Variants in ZNF208 observed in about 807,000 individuals in gnomAD.
The protein encoded by ZNF208 is zinc finger protein 95.
Under a neutral mutation model 12.1 loss-of-function variants are expected in ZNF208, and 10 were observed. The observed-to-expected ratio is 0.83, with a 90% confidence interval of 0.51 to 1.40. The LOEUF (loss-of-function observed/expected upper bound fraction) is 1.40. Ranked by LOEUF, ZNF208 falls within the 40% of genes most tolerant of loss-of-function variation. The probability of loss-of-function intolerance (pLI) is 0.00; values close to 1 mark genes in which losing one functional copy is unlikely to be tolerated. For synonymous variants in ZNF208, 497 were observed against 488.4 expected, an observed-to-expected ratio of 1.02 and a Z score of -0.23; for missense variants, 1,652 against 1,485.0, an observed-to-expected ratio of 1.11 and a Z score of -1.85.
chr19:21,957,451 G>T (rs1023658477), intron 4 of ZNF208, among the ~76,000 whole-genome samples: 1 of 152,206 alleles, frequency 6.6e-6, no homozygotes, highest in Non-Finnish European at 1.5e-5. Flanking sequence ...AAGTTGCAAA[G>T]CCAGTAACAG....
intron 1 of ZNF208, among the ~76,000 whole-genome samples, chr19:22,000,962 C>T (rs1970935609): frequency 1.3e-5 from 2 of 152,058 alleles, no homozygotes; most frequent in South Asian, 4.1e-4. Context: ...TGAACAAACA[C>T]ATCCTCCCAA....
At chr19:22,008,329 T>G (rs1294908804) in intron 1 of ZNF208, among the ~76,000 whole-genome samples, 1 of 134,168 alleles carries the variant, frequency 7.5e-6, no homozygotes, top group Non-Finnish European at 1.6e-5. Context: ...AAAAAAAAAC[T>G]GAGGTCAAAA....
downstream of ZNF208, among the ~76,000 whole-genome samples, chr19:21,964,521 CAAA>C (rs1970131168): frequency 4.6e-5 from 7 of 151,518 alleles, no homozygotes; most frequent in South Asian, 1.5e-3. Context: ...AACAAGTAAA[CAAA>C]AAACAATATG....
intron 3 of ZNF208, among the ~76,000 whole-genome samples, chr19:21,983,269 G>T (rs1970576704): frequency 6.6e-6 from 1 of 152,074 alleles, no homozygotes; most frequent in Admixed American, 6.5e-5. Context: ...CATCATCACT[G>T]GTCATTAGAG....
At chr19:21,995,030 C>A (rs1033297708) in intron 1 of ZNF208, among the ~76,000 whole-genome samples, 1 of 150,474 alleles carries the variant, frequency 6.6e-6, no homozygotes, top group Non-Finnish European at 1.5e-5. Context: ...CAGCTCACTG[C>A]AGCCTCCTCC....
rs980619562 is a variant in ZNF208, at chr19:21,967,039, G to C, written c.*4152C>G. ...AGGTCATCTGTTTACTTTGCTGATA[G>C]TTTCTTTTACTGTGCAGAAGCTCTT... is the stretch of plus-strand genomic sequence containing the variant. On this transcript the variant is annotated 3_prime_UTR_variant, in exon 4 of 4. Transcript: ENST00000397126. 4 of 152,062 alleles carry C rather than the reference G, an allele frequency of 2.6e-5. No individual in the cohort carries two copies. Among genetic ancestry groups the C allele is most frequent in the African/African-American group, 9.7e-5 (4 of 41,436 alleles). 9.4% of individuals were successfully genotyped at this position (152,062 alleles called of 1,614,324 possible). A position where few individuals can be genotyped will look rare whatever the true frequency, so the allele number is the denominator to read the frequency against.
intron 3 of ZNF208, chr19:21,986,783 TG>T (rs1483439202): frequency 5.6e-6 from 2 of 358,460 alleles, no homozygotes; most frequent in African/African-American, 4.2e-5. Context: ...CAGGATGAAA[TG>T]TACAGAAAAA....
Position 21,961,089 on chromosome 19 carries a change from A to T in ZNF208, c.305+13640T>A, listed in dbSNP as rs575264918. ...TAGATGTTCTGAATTGTGTACCAGA[A>T]GTCAATTGTTATTGGGGGAACCCAC... On this transcript the variant is annotated intron_variant, in intron 4 of 4. Coordinates refer to the ZNF208 transcript ENST00000599916. Among the ~76,000 whole-genome samples, 33 of 152,352 alleles carry T rather than the reference A, an allele frequency of 2.2e-4. No individual in the cohort carries two copies. In the East Asian group the frequency reaches 6.4e-3, roughly 29 times the overall value.
chr19:22,003,004 T>C lies in ZNF208; in HGVS notation c.3+7788A>G, dbSNP rs376151995. Among the ~76,000 whole-genome samples the C allele has an allele frequency of 2.3e-3, 357 of 152,152 alleles. 1 individual carries two copies. Among genetic ancestry groups the C allele is most frequent in the Non-Finnish European group, 3.7e-3 (255 of 68,000 alleles). ...TGGTACTGGTACAAAAACAAACTCA[T>C]AGGTCAATGCAACAGAATAGGGAGC... On this transcript the variant is annotated intron_variant, in intron 1 of 3. Transcript: ENST00000397126.
At chr19:21,982,409 T>C (rs1970558902) in intron 3 of ZNF208, among the ~76,000 whole-genome samples, 1 of 141,664 alleles carries the variant, frequency 7.1e-6, no homozygotes, top group African/African-American at 2.6e-5. Context: ...ATAGAAAGAA[T>C]CAATATCATG....
At chr19:21,981,570 G>A (rs898981056) in intron 3 of ZNF208, among the ~76,000 whole-genome samples, 2 of 152,162 alleles carry the variant, frequency 1.3e-5, no homozygotes, top group Non-Finnish European at 2.9e-5. Flanking sequence ...AAAATAATAA[G>A]AGCTATGTAT....
At chr19:21,950,918 G>A (rs762067849) in intron 4 of ZNF208, among the ~76,000 whole-genome samples, 1 of 152,136 alleles carries the variant, frequency 6.6e-6, no homozygotes, top group Non-Finnish European at 1.5e-5. Flanking sequence ...TACGTGTTTT[G>A]TGTGATGTCT....
At chr19:21,945,458 A>G (rs956481244) in intron 4 of ZNF208, among the ~76,000 whole-genome samples, 3 of 152,140 alleles carry the variant, frequency 2.0e-5, no homozygotes, top group African/African-American at 2.4e-5. Context: ...ATTTTTTGTT[A>G]TCAACATTTT....
intron 1 of ZNF208, among the ~76,000 whole-genome samples, chr19:22,004,959 A>C (rs1359257953): frequency 1.3e-5 from 2 of 152,188 alleles, no homozygotes; most frequent in Non-Finnish European, 2.9e-5. Context: ...GAGAGAGTGC[A>C]ATGCAGGTGG....
chr19:21,951,652 A>G (rs1969890125), intron 4 of ZNF208, among the ~76,000 whole-genome samples: 1 of 152,260 alleles, frequency 6.6e-6, no homozygotes, highest in Admixed American at 6.5e-5. Context: ...AAAAGATTAT[A>G]AAAGATTTGT....
At chr19:21,992,601 C>T (rs1027515348) in intron 1 of ZNF208, among the ~76,000 whole-genome samples, 1 of 152,068 alleles carries the variant, frequency 6.6e-6, no homozygotes, top group Non-Finnish European at 1.5e-5. Context: ...CACTAAAAAC[C>T]CCAGGTTTTC....
intron 4 of ZNF208, among the ~76,000 whole-genome samples, chr19:21,956,094 G>C (rs966817614): frequency 6.6e-6 from 1 of 152,176 alleles, no homozygotes; most frequent in Non-Finnish European, 1.5e-5. Flanking sequence ...TAGTTTGCTG[G>C]AGGTCCACTC....
chr19:21,965,777 C>T (rs1169668744), downstream of ZNF208: 1 of 150,954 alleles, frequency 6.6e-6, no homozygotes, highest in Non-Finnish European at 1.5e-5. Flanking sequence ...TTTAGTCTCA[C>T]CCATTCACAA....
chr19:21,943,881 G>C (rs780215617), intron 4 of ZNF208, among the ~76,000 whole-genome samples: 2 of 152,078 alleles, frequency 1.3e-5, no homozygotes, highest in Non-Finnish European at 2.9e-5. Flanking sequence ...ATGTATCTGA[G>C]GATTATTAAA....
Sources: allele counts gnomAD v4.1 joint callset (sites outside exome capture counted in the v4.1 genomes callset), GRCh38; gene constraint gnomAD v4.1.1; transcripts MANE v1.5; gene names NCBI Gene and HGNC (gene_info 2026-07-23, HGNC 2026-07-21).